The following AUTS2 variants were observed in gnomAD, a reference collection of about 807,000 sequenced individuals.
AUTS2 encodes autism susceptibility gene 2 protein.
Under a neutral mutation model 112.4 loss-of-function variants are expected in AUTS2, and 17 were observed. The observed-to-expected ratio is 0.15, with a 90% CI of 0.10 to 0.23. The LOEUF is 0.23. AUTS2 is among the 10% of genes least tolerant of loss of function. The pLI, the probability that AUTS2 is intolerant of heterozygous loss-of-function variation, is 1.00. For synonymous variants in AUTS2, 751 were observed against 702.7 expected, an observed-to-expected ratio of 1.07 and a Z score of -1.09; for missense variants, 1,510 against 1,701.6, an observed-to-expected ratio of 0.89 and a Z score of 1.98.
At chr7:70,020,655 G>A (rs1800228374) in intron 2 of AUTS2, among the ~76,000 whole-genome samples, 3 of 151,822 alleles carry the variant, frequency 2.0e-5, no homozygotes, top group Admixed American at 1.3e-4. Context: ...GATGCTTTAG[G>A]ACCTTTTTTC....
At chr7:70,788,004 G>C (rs1365422198) in intron 18 of AUTS2, among the ~76,000 whole-genome samples, 1 of 151,974 alleles carries the variant, frequency 6.6e-6, no homozygotes, top group Non-Finnish European at 1.5e-5. Flanking sequence ...TTTCACTAGT[G>C]GATAATTTTG....
At chr7:69,877,276 C>T (rs1793844558) in intron 1 of AUTS2, among the ~76,000 whole-genome samples, 1 of 152,146 alleles carries the variant, frequency 6.6e-6, no homozygotes, top group African/African-American at 2.4e-5. Flanking sequence ...CACCAGGAAG[C>T]TTGCTTCCCT....
At chr7:70,789,287 C>T (rs1459702176) in intron 18 of AUTS2, among the ~76,000 whole-genome samples, 2 of 152,306 alleles carry the variant, frequency 1.3e-5, no homozygotes, top group Non-Finnish European at 2.9e-5. Flanking sequence ...CCCTTTCTTC[C>T]ACTGGTTCAG....
chr7:69,693,383 G>GT (rs775801525), intron 1 of AUTS2, among the ~76,000 whole-genome samples: 1 of 152,182 alleles, frequency 6.6e-6, no homozygotes, highest in Non-Finnish European at 1.5e-5. Context: ...GCCATGACAA[G>GT]TTTTTTTGTA....
At chr7:70,704,029 G>A (rs1041037762) in intron 6 of AUTS2, among the ~76,000 whole-genome samples, 18 of 152,158 alleles carry the variant, frequency 1.2e-4, no homozygotes, top group Admixed American at 3.3e-4. Flanking sequence ...GCCGACTCTT[G>A]GAGAATTTGT....
chr7:70,144,714 A>G (rs887816153), intron 4 of AUTS2, among the ~76,000 whole-genome samples: 1 of 152,108 alleles, frequency 6.6e-6, no homozygotes, highest in Admixed American at 6.6e-5. Flanking sequence ...AAAGTTATGT[A>G]TTATTAGAGT....
Position 70,724,639 on chromosome 7 carries a change from GT to G in AUTS2, c.742+26023del, listed in dbSNP as rs1344608230. Among the ~76,000 whole-genome samples the G allele has an allele frequency of 3.3e-5, 5 of 151,828 alleles. No homozygotes were observed. In the Middle Eastern group the frequency reaches 0.01, roughly 312 times the overall value. On this transcript the variant is annotated intron_variant, in intron 6 of 18. Transcript: ENST00000342771. ...TTTTTTATTTTTTAGTACAGACAGG[GT>G]TTTACCGTGTTAGTCAGGATGGTCT...
At chr7:70,452,340 T>G (rs1410811961) in intron 5 of AUTS2, among the ~76,000 whole-genome samples, 1 of 152,114 alleles carries the variant, frequency 6.6e-6, no homozygotes, top group Non-Finnish European at 1.5e-5. Context: ...GTGCCTGTAG[T>G]CCCAGCTAAT....
intron 6 of AUTS2, among the ~76,000 whole-genome samples, chr7:70,717,538 G>C (rs1461090461): frequency 6.6e-6 from 1 of 152,144 alleles, no homozygotes; most frequent in Non-Finnish European, 1.5e-5. Context: ...TCTCCTGAGG[G>C]GTGGGTGGAA....
At chr7:69,845,146 G>A (rs1184091347) in intron 1 of AUTS2, among the ~76,000 whole-genome samples, 1 of 152,142 alleles carries the variant, frequency 6.6e-6, no homozygotes, top group Non-Finnish European at 1.5e-5. Context: ...TTATAAGATG[G>A]CTGCCATTGT....
intron 1 of AUTS2, among the ~76,000 whole-genome samples, chr7:69,727,555 A>C (rs1399985533): frequency 6.6e-6 from 1 of 152,138 alleles, no homozygotes; most frequent in Non-Finnish European, 1.5e-5. Flanking sequence ...GCGCCACTGC[A>C]CTCCAGCCTG....
chr7:70,178,219 G>A (rs186809443), intron 4 of AUTS2, among the ~76,000 whole-genome samples: 3 of 152,154 alleles, frequency 2.0e-5, no homozygotes, highest in Admixed American at 6.5e-5. Context: ...ATGTCCCTGT[G>A]GTGCCATTAG....
chr7:69,816,504 G>A (rs757630862), intron 1 of AUTS2, among the ~76,000 whole-genome samples: 16 of 152,146 alleles, frequency 1.1e-4, no homozygotes, highest in Admixed American at 7.2e-4. Context: ...CTTCGGCCCC[G>A]TGCACAGCAT....
chr7:70,455,272 G>A (rs1188661350), intron 5 of AUTS2, among the ~76,000 whole-genome samples: 1 of 152,166 alleles, frequency 6.6e-6, no homozygotes, highest in East Asian at 1.9e-4. Flanking sequence ...CCCTAACCAT[G>A]CAGCTTTATT....
At chr7:70,474,961 A>G (rs1475774564) in intron 5 of AUTS2, among the ~76,000 whole-genome samples, 1 of 152,158 alleles carries the variant, frequency 6.6e-6, no homozygotes, top group African/African-American at 2.4e-5. Context: ...AGAACCTGTA[A>G]CCTTCCCAGA....
At chr7:69,904,889 T>C (rs1230868248) in intron 2 of AUTS2, among the ~76,000 whole-genome samples, 1 of 152,224 alleles carries the variant, frequency 6.6e-6, no homozygotes, top group Non-Finnish European at 1.5e-5. Flanking sequence ...GGAATATTGA[T>C]TGACTTGAAT....
chr7:70,338,750 T>A (rs1409560812), intron 4 of AUTS2, among the ~76,000 whole-genome samples: 3 of 152,152 alleles, frequency 2.0e-5, no homozygotes, highest in Non-Finnish European at 4.4e-5. Flanking sequence ...AGGCTTTTTT[T>A]ATTTTACCTT....
chr7:69,902,551 A>T (rs1425075873), intron 2 of AUTS2, among the ~76,000 whole-genome samples: 2 of 152,192 alleles, frequency 1.3e-5, no homozygotes, highest in Non-Finnish European at 2.9e-5. Context: ...TCTTATTAGG[A>T]AATGGTACTT....
intron 1 of AUTS2, among the ~76,000 whole-genome samples, chr7:69,764,024 G>T (rs539504076): frequency 3.3e-4 from 51 of 152,258 alleles, no homozygotes; most frequent in African/African-American, 1.2e-3. Flanking sequence ...AGCCTTTGAG[G>T]TCAGTTGGGG....
Sources: gnomAD v4.1 joint callset for allele counts (sites outside exome capture counted in the v4.1 genomes callset) on GRCh38, gnomAD v4.1.1 for gene constraint, MANE v1.5 for transcripts, NCBI Gene and HGNC (gene_info 2026-07-23, HGNC 2026-07-21) for gene names.